ATP13A5: variants seen among roughly 807,000 people sequenced by gnomAD.
The protein encoded by ATP13A5 is ATPase 13A5, also known as probable cation-transporting ATPase 13A5.
A neutral mutation model predicts 150.2 loss-of-function variants in ATP13A5; 149 were observed. That is an observed-to-expected ratio of 0.99 (90% confidence interval 0.87 to 1.14). ATP13A5 has a LOEUF of 1.14. ATP13A5 is among the 50% of genes most tolerant of loss of function. The pLI is 0.00. For missense variants in ATP13A5, 1,383 were observed against 1,449.3 expected, an observed-to-expected ratio of 0.95 and a Z score of 0.74; for synonymous variants, 497 against 522.2, an observed-to-expected ratio of 0.95 and a Z score of 0.66.
intron 21 of ATP13A5, 126 bp downstream of exon 21, chr3:193,310,512 G>T: frequency 2.9e-6 from 2 of 684,298 alleles, no homozygotes; most frequent in Non-Finnish European, 4.8e-6. Flanking sequence ...CCTTTTCTCT[G>T]CAATCTTGCC....
chr3:193,363,485 G>A lies in ATP13A5; in HGVS notation c.238-103C>T, dbSNP rs183390683. The A allele has an allele frequency of 2.5e-5, 26 of 1,057,294 alleles. No individual in the cohort carries two copies. The African/African-American group carries it at 3.7e-4, about 15-fold the overall frequency. The allele number at this position is 1,057,294 out of a possible 1,614,324, so 65.5% of individuals were successfully genotyped here. The stretch of plus-strand genomic sequence containing the variant: ...TGGTACAAAACTTTGACCCAAACAA[G>A]CGCATCAGCTTTATCTCAGAACTTA... On this transcript the variant is annotated intron_variant, in intron 2 of 29. Coordinates refer to ENST00000342358, the MANE Select transcript of ATP13A5 (RefSeq NM_198505.4).
chr3:193,280,724 A>AT (rs563093779), intron 27 of ATP13A5, among the ~76,000 whole-genome samples: 3 of 152,166 alleles, frequency 2.0e-5, no homozygotes, highest in Admixed American at 6.5e-5. Flanking sequence ...TAGAAATATT[A>AT]TTTTTTAATA....
chr3:193,326,111 G>A lies in ATP13A5; in HGVS notation c.1523+885C>T, dbSNP rs570470468. ...GTGCCATGCTTTACCTGGCCCCTTC[G>A]TCATCTTGGGAGTCCCCTGCAAAGT... On this transcript the variant is annotated intron_variant, in intron 13 of 29. Transcript: ENST00000342358. Among the ~76,000 whole-genome samples, 379 of 152,250 alleles carry A rather than the reference G, an allele frequency of 2.5e-3. 3 individuals carry two copies. The highest frequency in any genetic ancestry group is 7.9e-3 in the African/African-American group (328 of 41,560).
chr3:193,291,350 A>G (rs1174491314), intron 25 of ATP13A5, among the ~76,000 whole-genome samples: 1 of 152,134 alleles, frequency 6.6e-6, no homozygotes, highest in Non-Finnish European at 1.5e-5. Context: ...GAAGTCCATG[A>G]AAGACACAGA....
rs148540089 is a variant in ATP13A5, at chr3:193,332,201, G to A, written c.1273-890C>T. On this transcript the variant is annotated intron_variant, in intron 11 of 29. Transcript: ENST00000342358. ...ATGAGATCTGATGGTTTATAAATGG[G>A]ATTTCCCCTGCACAAACTCTCTTGC... Among the ~76,000 whole-genome samples, 1,296 of 152,216 alleles carry A rather than the reference G, an allele frequency of 8.5e-3. 22 individuals are homozygous for A. The highest frequency in any genetic ancestry group is 0.029 in the African/African-American group (1,212 of 41,512).
intron 1 of ATP13A5, among the ~76,000 whole-genome samples, chr3:193,373,911 C>T (rs775641505): frequency 6.6e-6 from 1 of 152,194 alleles, no homozygotes; most frequent in Non-Finnish European, 1.5e-5. Context: ...GCCATTTTGC[C>T]TTCTGGGGCT....
chr3:193,362,331 T>G, intron 5 of ATP13A5, 50 bp downstream of exon 5: 1 of 1,508,694 alleles, frequency 6.6e-7, no homozygotes, highest in Non-Finnish European at 9.2e-7. Flanking sequence ...GATTTGATAC[T>G]TCATTTTCTG....
chr3:193,347,747 C>T (rs971229913), intron 7 of ATP13A5, among the ~76,000 whole-genome samples: 1 of 152,168 alleles, frequency 6.6e-6, no homozygotes, highest in Non-Finnish European at 1.5e-5. Context: ...CTAGGACGTC[C>T]ACTCCGGTTT....
Position 193,320,297 on chromosome 3 carries a change from T to G in ATP13A5, c.1916-1189A>C, listed in dbSNP as rs118078474. On this transcript the variant is annotated intron_variant, in intron 16 of 29. Transcript: ENST00000342358. ...ACTTTCTGTAATTCTAAAATATTCC[T>G]GGAGGTGGGAATCTAATTTCAAGAA... Among the ~76,000 whole-genome samples, 138 of 152,350 alleles carry G rather than the reference T, an allele frequency of 9.1e-4. 1 individual carries two copies. The East Asian group carries it at 0.015, about 17-fold the overall frequency.
At chr3:193,354,221 G>C (rs767510765) in intron 5 of ATP13A5, 25 bp from the exon 6 acceptor site, 2 of 1,600,596 alleles carry the variant, frequency 1.2e-6, no homozygotes, top group Non-Finnish European at 1.7e-6. Flanking sequence ...TCATCCATTA[G>C]TGTCATAGCT....
Position 193,275,160 on chromosome 3 carries a change from C to T in ATP13A5, c.3539G>A (p.Gly1180Asp), listed in dbSNP as rs1378395655. The T allele has an allele frequency of 6.2e-7, 1 of 1,614,168 alleles. No individual in the cohort carries two copies. The change falls in exon 30 of 30, where the codon GGT becomes GAT. Residue 1180 changes from glycine (G) to aspartate (D), a missense_variant. This residue lies in a region of ATP13A5 where 568 missense variants were observed against 621.5 expected (regional missense o/e 0.91). Coordinates refer to ENST00000342358, the MANE Select transcript of ATP13A5 (RefSeq NM_198505.4). The stretch of plus-strand genomic sequence containing the variant: ...GATGTAGAATCCATTTTTGCCATCA[C>T]CTGAATAATCTGTCCTGTTTATGGG... ...WPPINRTDYS[G>D]DGKNGFYING...
intron 25 of ATP13A5, 103 bp from the exon 26 acceptor site, chr3:193,290,162 C>T: frequency 8.5e-7 from 1 of 1,178,692 alleles, no homozygotes; most frequent in Non-Finnish European, 1.2e-6. Flanking sequence ...GGGATTCAGA[C>T]TAAGCAAACA....
intron 5 of ATP13A5, among the ~76,000 whole-genome samples, chr3:193,356,836 C>T (rs889207312): frequency 2.4e-4 from 25 of 103,724 alleles, no homozygotes; most frequent in African/African-American, 7.7e-4. Context: ...TTTTTTGAGA[C>T]GGAGTGTCTT....
chr3:193,362,671 T>A (rs768561311), intron 3 of ATP13A5, 34 bp from the exon 4 acceptor site: 1 of 1,603,184 alleles, frequency 6.2e-7, no homozygotes, highest in Non-Finnish European at 8.5e-7. Context: ...CAGGTGTCAT[T>A]CACAGCATAA....
intron 11 of ATP13A5, 91 bp downstream of exon 11, chr3:193,333,659 G>C: frequency 8.1e-7 from 1 of 1,238,402 alleles, no homozygotes; most frequent in South Asian, 1.5e-5. Context: ...CAGAATGATG[G>C]GATCAAGATG....
chr3:193,369,070 G>A (rs576123426), intron 1 of ATP13A5, among the ~76,000 whole-genome samples: 5 of 151,772 alleles, frequency 3.3e-5, no homozygotes, highest in South Asian at 2.1e-4. Flanking sequence ...ATAGAAATAC[G>A]CTGTCTCTAC....
At position 193,290,039 on chromosome 3, in the gene ATP13A5, G is replaced by A; in HGVS notation, c.2869C>T (p.Pro957Ser). 1.2e-6 allele frequency: 2 copies of A among 1,608,400 alleles called. No individual in the cohort carries two copies. Among genetic ancestry groups the A allele is most frequent in the Non-Finnish European group, 1.7e-6 (2 of 1,177,918 alleles). Residue 957 changes from proline to serine, a missense_variant, in exon 26 of 30, where the codon CCA becomes TCA. By Grantham distance (74) the Pro-to-Ser change is moderately conservative. Around this residue, in one of 3 missense-constraint regions of ATP13A5, gnomAD observed 568 missense variants for 621.5 expected, o/e 0.91. Coordinates refer to ENST00000342358, the MANE Select transcript of ATP13A5 (RefSeq NM_198505.4). ...GCTGGTCTATATGGAGCCAGCTTTG[G>A]GTAGGCATGAGTTGAACTCACTGAA... ...CLTMSSTHAY[P>S]KLAPYRPAGQ...
chr3:193,314,348 C>G (rs991005528), intron 18 of ATP13A5, 155 bp from the exon 19 acceptor site: 1 of 719,660 alleles, frequency 1.4e-6, no homozygotes, highest in African/African-American at 1.8e-5. Context: ...ACTGCCCCTA[C>G]TGGGCAAACA....
chr3:193,308,982 GCTT>G (rs1718732913), intron 21 of ATP13A5, among the ~76,000 whole-genome samples: 1 of 152,116 alleles, frequency 6.6e-6, no homozygotes, highest in Admixed American at 6.6e-5. Context: ...CCCTATGAAT[GCTT>G]GGGTAACAAA....
Sources: gnomAD v4.1 joint callset for allele counts (sites outside exome capture counted in the v4.1 genomes callset) on GRCh38, gnomAD v4.1.1 for gene constraint, gnomAD v4.1.1 regional missense constraint, MANE v1.5 for transcripts, NCBI Gene and HGNC (gene_info 2026-07-23, HGNC 2026-07-21) for gene names.